Variants in ZNF827 observed in about 807,000 individuals in gnomAD.
ZNF827 encodes the protein zinc finger protein 827.
A neutral mutation model predicts 102.4 loss-of-function variants in ZNF827; 13 were observed. The observed-to-expected ratio is 0.13, with a 90% CI of 0.08 to 0.20. The LOEUF (loss-of-function observed/expected upper bound fraction) is 0.20. Among genes scored for constraint, ZNF827 ranks in the 10% least tolerant of loss-of-function variants. The probability of loss-of-function intolerance (pLI) is 1.00; values close to 1 mark genes in which losing one functional copy is unlikely to be tolerated. For synonymous variants in ZNF827, 523 were observed against 536.2 expected (o/e 0.98, Z 0.34); for missense variants, 1,103 against 1,344.4 (o/e 0.82, Z 2.81).
At position 145,870,480 on chromosome 4, in the gene ZNF827, T is replaced by C; in HGVS notation, c.1748-2A>G. On this transcript the variant is annotated splice_acceptor_variant, in intron 4 of 14. Transcript: ENST00000508784. LOFTEE classifies it high-confidence loss of function. ...TCATGGGCTCCTTCTGATTTGCAGC[T>C]GTCAAAAGAAAAAAAGGGATTATAT... is the stretch of plus-strand genomic sequence containing the variant. 1 of 1,610,150 alleles carries C rather than the reference T, an allele frequency of 6.2e-7. No homozygotes were observed. The highest frequency in any genetic ancestry group is 8.5e-7 in the Non-Finnish European group (1 of 1,178,894).
chr4:145,776,421 A>G (rs1345920907), intron 9 of ZNF827, among the ~76,000 whole-genome samples: 1 of 151,586 alleles, frequency 6.6e-6, no homozygotes, highest in African/African-American at 2.4e-5. Context: ...CAATCACATC[A>G]CTGCACTCCA....
At chr4:145,835,263 T>C (rs531551100) in intron 7 of ZNF827, 2 of 152,334 alleles carry the variant, frequency 1.3e-5, no homozygotes, top group East Asian at 1.9e-4. Flanking sequence ...CCATCACGGA[T>C]GCTGAGCTTC....
At chr4:145,832,298 AAAC>A (rs1293356058) in intron 7 of ZNF827, 2 of 95,976 alleles carry the variant, frequency 2.1e-5, no homozygotes, top group African/African-American at 1.2e-4. Context: ...AAACAAAACA[AAAC>A]CACACACACA....
At chr4:145,817,176 T>G (rs1742668404) in intron 8 of ZNF827, among the ~76,000 whole-genome samples, 1 of 152,186 alleles carries the variant, frequency 6.6e-6, no homozygotes, top group African/African-American at 2.4e-5. Context: ...TCCCAGTCAC[T>G]ACCTCTCCCC....
intron 8 of ZNF827, 52 bp downstream of exon 8, chr4:145,823,370 A>C (rs576249957): frequency 6.9e-7 from 1 of 1,443,142 alleles, no homozygotes; most frequent in African/African-American, 1.4e-5. Context: ...ATTTCAGAAA[A>C]GTAATTCTTA....
chr4:145,902,026 A>T lies in ZNF827; in HGVS notation c.1093+140T>A. 1 of 1,058,502 alleles carries T rather than the reference A, an allele frequency of 9.4e-7. No individual in the cohort carries two copies. Among genetic ancestry groups the T allele is most frequent in the Non-Finnish European group, 1.3e-6 (1 of 756,948 alleles). The allele number at this position is 1,058,502 out of a possible 1,614,324, so 65.6% of individuals were successfully genotyped here. On this transcript the variant is annotated intron_variant, in intron 2 of 14. Coordinates refer to ENST00000508784, the MANE Select transcript of ZNF827 (RefSeq NM_001306215.2). This position sits in a 1 kb window ranked among gnomAD's most constrained non-coding sequence, Gnocchi z 4.3. Reference sequence around the variant, plus strand: ...TGAAAGACTACTATGCTGCTTACTTAAAGTATTTTTGTTGTGCTCTTGCTT... The same window carrying T: ...TGAAAGACTACTATGCTGCTTACTTTAAGTATTTTTGTTGTGCTCTTGCTT...
At chr4:145,860,347 G>A (rs910958876) in intron 5 of ZNF827, among the ~76,000 whole-genome samples, 9 of 152,122 alleles carry the variant, frequency 5.9e-5, no homozygotes, top group African/African-American at 1.4e-4. Context: ...CCCCATAAAC[G>A]CCCTCTACCT....
At chr4:145,876,434 T>G (rs1318872719) in intron 4 of ZNF827, 1 of 152,234 alleles carries the variant, frequency 6.6e-6, no homozygotes, top group Non-Finnish European at 1.5e-5. Context: ...TAGATTCAAG[T>G]GTATCAAGTG....
At chr4:145,899,368 C>T (rs1355084395) in intron 2 of ZNF827, among the ~76,000 whole-genome samples, 1 of 152,084 alleles carries the variant, frequency 6.6e-6, no homozygotes, top group Non-Finnish European at 1.5e-5. Flanking sequence ...TGGAGATGAT[C>T]CACCTTTCCT....
At chr4:145,766,641 G>A (rs1193116831) in intron 11 of ZNF827, among the ~76,000 whole-genome samples, 1 of 152,164 alleles carries the variant, frequency 6.6e-6, no homozygotes. Context: ...CAGAGACACA[G>A]AGAGGGTCCC....
intron 9 of ZNF827, among the ~76,000 whole-genome samples, chr4:145,777,834 C>T (rs1033145168): frequency 1.1e-4 from 17 of 152,090 alleles, no homozygotes; most frequent in African/African-American, 3.9e-4. Context: ...TTGCTGTTTG[C>T]TCCAGGTTTA....
chr4:145,916,742 ATT>A (rs1752692905), intron 1 of ZNF827, among the ~76,000 whole-genome samples: 1 of 151,934 alleles, frequency 6.6e-6, no homozygotes, highest in Non-Finnish European at 1.5e-5. Flanking sequence ...TCTTTAAATC[ATT>A]TCTCTCCTCT....
At chr4:145,779,864 C>A (rs1347908628) in intron 8 of ZNF827, among the ~76,000 whole-genome samples, 1 of 152,160 alleles carries the variant, frequency 6.6e-6, no homozygotes, top group African/African-American at 2.4e-5. Context: ...GTTAAAATTC[C>A]AGAAATGTAG....
At chr4:145,785,098 G>C (rs1738654359) in intron 8 of ZNF827, among the ~76,000 whole-genome samples, 1 of 152,148 alleles carries the variant, frequency 6.6e-6, no homozygotes, top group African/African-American at 2.4e-5. Context: ...AGGTGTGTAG[G>C]ATTAAGCACT....
At chr4:145,842,469 C>G (rs1745516396) in intron 7 of ZNF827, among the ~76,000 whole-genome samples, 1 of 152,218 alleles carries the variant, frequency 6.6e-6, no homozygotes, top group South Asian at 2.1e-4. Flanking sequence ...TGCCAAGCTA[C>G]AGAGTGTTTC....
intron 8 of ZNF827, among the ~76,000 whole-genome samples, chr4:145,820,312 G>A (rs906466122): frequency 2.0e-5 from 3 of 152,164 alleles, no homozygotes; most frequent in African/African-American, 7.2e-5. Context: ...CATTTGCAAG[G>A]GAAATGGAAC....
Position 145,938,609 on chromosome 4 carries a change from C to T in ZNF827, c.-202G>A, listed in dbSNP as rs1754407023. The T allele has an allele frequency of 2.5e-5, 13 of 520,578 alleles. No individual in the cohort carries two copies. The highest frequency in any genetic ancestry group is 5.1e-4 in the Middle Eastern group (1 of 1,962). The allele number at this position is 520,578 out of a possible 1,614,324, so 32.2% of individuals were successfully genotyped here. ...GAAGAGGGGTTTTCTTCTTTTCTTT[C>T]CTTTCTTTTTTCCTTTTTTTTTTTT... On this transcript the variant is annotated 5_prime_UTR_variant, in exon 1 of 15. Coordinates refer to ENST00000508784, the MANE Select transcript of ZNF827 (RefSeq NM_001306215.2).
At chr4:145,837,606 G>C (rs1744983843) in intron 7 of ZNF827, among the ~76,000 whole-genome samples, 2 of 152,108 alleles carry the variant, frequency 1.3e-5, no homozygotes, top group Non-Finnish European at 2.9e-5. Context: ...CATCACAGCT[G>C]ATATCTCCTG....
At chr4:145,878,861 C>T (rs1241151286) in intron 4 of ZNF827, among the ~76,000 whole-genome samples, 2 of 151,714 alleles carry the variant, frequency 1.3e-5, no homozygotes, top group Non-Finnish European at 2.9e-5. Flanking sequence ...ATCAGAAATG[C>T]TGGGTGGATG....
Sources: allele counts gnomAD v4.1 joint callset (sites outside exome capture counted in the v4.1 genomes callset), GRCh38; gene constraint gnomAD v4.1.1; non-coding constraint Gnocchi (gnomAD v3.1); transcripts MANE v1.5; gene names NCBI Gene and HGNC (gene_info 2026-07-23, HGNC 2026-07-21).